The following SEMA5A variants were observed in gnomAD, a reference collection of about 807,000 sequenced individuals.
SEMA5A encodes semaphorin 5A, also known as semaphorin-5A.
Under a neutral mutation model 135.5 loss-of-function variants are expected in SEMA5A, and 55 were observed. The observed-to-expected ratio is 0.41, with a 90% CI of 0.33 to 0.51. SEMA5A has a LOEUF of 0.51. Among genes scored for constraint, SEMA5A ranks in the 20% least tolerant of loss-of-function variants. SEMA5A has a pLI of 0.37. For missense variants in SEMA5A, 1,290 were observed against 1,419.9 expected, an observed-to-expected ratio of 0.91 and a Z score of 1.47; for synonymous variants, 580 against 546.5, an observed-to-expected ratio of 1.06 and a Z score of -0.85.
Position 9,190,468 on chromosome 5 carries a change from C to T in SEMA5A, c.1072G>A (p.Gly358Ser). 1 of 1,613,098 alleles carries T rather than the reference C, an allele frequency of 6.2e-7. No homozygotes were observed. The highest frequency in any genetic ancestry group is 8.5e-7 in the Non-Finnish European group (1 of 1,179,990). ...YPNPNPHFQC[G>S]TVDQGLYVNL... ...ACGTACAGGCCCTGGTCCACGGTGC[C>T]ACACTGAAAGGGAAGACGGGCCAGG... The change falls in exon 11 of 23, where the codon GGC (glycine) becomes AGC (serine). Residue 358 changes from glycine to serine, a missense_variant. Around this residue, in one of 3 missense-constraint regions of SEMA5A, gnomAD observed 1,029 missense variants for 1,086.6 expected, o/e 0.95. Coordinates refer to ENST00000382496, the MANE Select transcript of SEMA5A (RefSeq NM_003966.3).
chr5:9,395,097 C>A (rs1051545254), intron 2 of SEMA5A, among the ~76,000 whole-genome samples: 2 of 151,902 alleles, frequency 1.3e-5, no homozygotes. Context: ...TTAAAATGAG[C>A]AAAATATTTA....
intron 1 of SEMA5A, among the ~76,000 whole-genome samples, chr5:9,441,871 G>T (rs1404706765): frequency 6.6e-6 from 1 of 152,186 alleles, no homozygotes; most frequent in East Asian, 1.9e-4. Flanking sequence ...ACAGATTGTA[G>T]GGAATGTTAA....
chr5:9,520,884 A>G (rs924602899), intron 1 of SEMA5A, among the ~76,000 whole-genome samples: 13 of 152,192 alleles, frequency 8.5e-5, no homozygotes, highest in African/African-American at 3.1e-4. Context: ...GCTAACTGCA[A>G]TGGAGGGTCC....
chr5:9,204,408 C>T lies in SEMA5A; in HGVS notation c.647-2168G>A, dbSNP rs1369391757. On this transcript the variant is annotated intron_variant, in intron 8 of 22. Coordinates refer to ENST00000382496, the MANE Select transcript of SEMA5A (RefSeq NM_003966.3). This position sits in a 1 kb window ranked among gnomAD's most constrained non-coding sequence, Gnocchi z 6.4. ...ATGAAAACCACATAGTAAATAGCTC[C>T]AGTTTCTCAAAAGTCCTGAGCTGAA... Among the ~76,000 whole-genome samples the T allele has an allele frequency of 1.3e-5, 2 of 152,166 alleles. No homozygotes were observed. The highest frequency in any genetic ancestry group is 2.9e-5 in the Non-Finnish European group (2 of 68,034).
intron 1 of SEMA5A, among the ~76,000 whole-genome samples, chr5:9,456,368 A>G (rs1758835110): frequency 6.6e-6 from 1 of 152,246 alleles, no homozygotes; most frequent in South Asian, 2.1e-4. Flanking sequence ...GATTTGACCA[A>G]GGAAGAGGAA....
intron 1 of SEMA5A, among the ~76,000 whole-genome samples, chr5:9,511,578 G>A (rs1736208611): frequency 6.6e-6 from 1 of 152,144 alleles, no homozygotes; most frequent in African/African-American, 2.4e-5. Flanking sequence ...CTGAAATATT[G>A]TAGTGTAATT....
intron 2 of SEMA5A, among the ~76,000 whole-genome samples, chr5:9,388,153 T>A (rs184455233): frequency 9.4e-4 from 143 of 152,352 alleles, no homozygotes; most frequent in Admixed American, 3.1e-3. Context: ...ATTTTATGGC[T>A]ATATAAAAGG....
intron 2 of SEMA5A, among the ~76,000 whole-genome samples, chr5:9,406,035 T>C (rs1756873041): frequency 6.6e-6 from 1 of 152,224 alleles, no homozygotes; most frequent in Non-Finnish European, 1.5e-5. Flanking sequence ...TGAATGATGA[T>C]GGTACTACAG....
At chr5:9,308,041 T>G (rs536882815) in intron 5 of SEMA5A, among the ~76,000 whole-genome samples, 1 of 152,332 alleles carries the variant, frequency 6.6e-6, no homozygotes, top group Admixed American at 6.5e-5. Context: ...ATGTACTTTT[T>G]TGTCAAAGAC....
intron 14 of SEMA5A, among the ~76,000 whole-genome samples, chr5:9,122,265 A>G (rs73045659): frequency 0.021 from 3,239 of 152,264 alleles, 69 homozygotes; most frequent in African/African-American, 0.056. Flanking sequence ...TATCCTATGG[A>G]GTAGAGCAAG....
intron 5 of SEMA5A, among the ~76,000 whole-genome samples, chr5:9,244,122 G>T (rs1037322657): frequency 5.9e-5 from 9 of 152,204 alleles, no homozygotes; most frequent in Admixed American, 4.6e-4. Flanking sequence ...GCCAGGGTAT[G>T]ATATAAGAAT....
chr5:9,236,829 C>G (rs1225411068), intron 6 of SEMA5A, among the ~76,000 whole-genome samples: 1 of 152,070 alleles, frequency 6.6e-6, no homozygotes. Flanking sequence ...TTGGGAAACC[C>G]CATAACTAAG....
intron 1 of SEMA5A, among the ~76,000 whole-genome samples, chr5:9,493,555 G>A (rs1735146978): frequency 6.6e-6 from 1 of 152,062 alleles, no homozygotes; most frequent in African/African-American, 2.4e-5. Flanking sequence ...TGAAAGCCAT[G>A]GGGCAATGGA....
At chr5:9,054,381 G>T in intron 18 of SEMA5A, 124 bp from the exon 19 acceptor site, 2 of 1,269,772 alleles carry the variant, frequency 1.6e-6, no homozygotes, top group Non-Finnish European at 2.1e-6. Flanking sequence ...CTGCACTCCA[G>T]AAAGGCTTCA....
chr5:9,408,596 A>C (rs1470444105), intron 2 of SEMA5A, among the ~76,000 whole-genome samples: 1 of 152,224 alleles, frequency 6.6e-6, no homozygotes, highest in Non-Finnish European at 1.5e-5. Flanking sequence ...AGGTGCAGGC[A>C]TGGTACTAAG....
rs867334936 is a variant in SEMA5A, at chr5:9,337,790, CT to C, written c.146del (p.Glu49GlyfsTer13). On this transcript the variant is annotated frameshift_variant, in exon 4 of 23. Coordinates refer to ENST00000382496, the MANE Select transcript of SEMA5A (RefSeq NM_003966.3). LOFTEE classifies it high-confidence loss of function. ...AATCCACAGCATTCTTCGCTCTGAA[CT>C]CCCGTAACCAGGGGCCAATTTCTAA... is the stretch of plus-strand genomic sequence containing the variant. Reference protein sequence around the residue: ...SYKEIGPWLREFRAKNAVDFS... With the variant: ...SYKEIGPWLRXFRAKNAVDFS... 6.2e-7 allele frequency: 1 copy of C among 1,606,134 alleles called. No homozygotes were observed. The highest frequency in any genetic ancestry group is 8.5e-7 in the Non-Finnish European group (1 of 1,175,622).
chr5:9,040,690 G>T lies in SEMA5A; in HGVS notation c.*2207C>A, dbSNP rs1239700502. ...TGAAGATCCTGTAGTGAGGGAGGGT[G>T]TTTTTCCCAAGTCATTGCAAAAGAC... On this transcript the variant is annotated 3_prime_UTR_variant, in exon 23 of 23. Transcript: ENST00000382496. 3 of 152,086 alleles carry T rather than the reference G, an allele frequency of 2.0e-5. No homozygotes were observed. The highest frequency in any genetic ancestry group is 7.2e-5 in the African/African-American group (3 of 41,414). 9.4% of individuals were successfully genotyped at this position (152,086 alleles called of 1,614,324 possible).
intron 21 of SEMA5A, among the ~76,000 whole-genome samples, chr5:9,046,184 GT>G (rs1255551676): frequency 4.6e-5 from 7 of 152,174 alleles, no homozygotes; most frequent in African/African-American, 1.7e-4. Context: ...TCCCCAGAGT[GT>G]CTCCTCCACA....
chr5:9,296,955 G>T (rs1464316247), intron 5 of SEMA5A, among the ~76,000 whole-genome samples: 1 of 150,824 alleles, frequency 6.6e-6, no homozygotes, highest in Non-Finnish European at 1.5e-5. Flanking sequence ...AGCTTTAATG[G>T]ATTACTGAGT....
Sources: allele counts gnomAD v4.1 joint callset (sites outside exome capture counted in the v4.1 genomes callset), GRCh38; gene constraint gnomAD v4.1.1; regional missense constraint gnomAD v4.1.1; non-coding constraint Gnocchi (gnomAD v3.1); transcripts MANE v1.5; gene names NCBI Gene and HGNC (gene_info 2026-07-23, HGNC 2026-07-21).